Variants in UGGT2 observed in about 807,000 individuals in gnomAD.
The protein encoded by UGGT2 is UDP-glucose glycoprotein glucosyltransferase 2, also known as UDP-glucose:glycoprotein glucosyltransferase 2.
Under a neutral mutation model 192.1 loss-of-function variants are expected in UGGT2, and 180 were observed. The observed-to-expected ratio is 0.94, with a 90% CI of 0.83 to 1.06. The LOEUF (loss-of-function observed/expected upper bound fraction) is 1.06, where lower values mean the gene tolerates loss of function less well. Among genes scored for constraint, UGGT2 ranks in the 50% least tolerant of loss-of-function variants. UGGT2 has a pLI of 0.00. For synonymous variants in UGGT2, 580 were observed against 591.0 expected, an observed-to-expected ratio of 0.98 and a Z score of 0.27; for missense variants, 1,849 against 1,795.7, an observed-to-expected ratio of 1.03 and a Z score of -0.54.
At chr13:96,041,420 G>C (rs1463265468) in intron 1 of UGGT2, among the ~76,000 whole-genome samples, 1 of 152,174 alleles carries the variant, frequency 6.6e-6, no homozygotes, top group South Asian at 2.1e-4. Flanking sequence ...CAGAGGTACT[G>C]GGAAGAGGCC....
intron 38 of UGGT2, among the ~76,000 whole-genome samples, chr13:95,826,555 T>C (rs1886063632): frequency 6.6e-6 from 1 of 152,044 alleles, no homozygotes; most frequent in Admixed American, 6.6e-5. Flanking sequence ...TAGAAAGTAG[T>C]CTTTATGTAC....
chr13:96,051,702 T>C (rs528532645), intron 1 of UGGT2, among the ~76,000 whole-genome samples: 2 of 149,778 alleles, frequency 1.3e-5, no homozygotes, highest in African/African-American at 4.9e-5. Context: ...TCTCAAAAGA[T>C]ATATAAATGG....
intron 20 of UGGT2, among the ~76,000 whole-genome samples, chr13:95,918,566 CAA>C (rs891560910): frequency 5.3e-5 from 8 of 151,342 alleles, no homozygotes; most frequent in Non-Finnish European, 1.2e-4. Flanking sequence ...AAAAACTCTT[CAA>C]AAAAAATCAA....
intron 27 of UGGT2, among the ~76,000 whole-genome samples, chr13:95,880,895 C>T (rs545699353): frequency 1.6e-4 from 25 of 152,260 alleles, no homozygotes; most frequent in African/African-American, 5.3e-4. Context: ...CAAAACATGG[C>T]CGAGTGCAGT....
chr13:95,906,062 G>GT (rs1178429635), intron 20 of UGGT2, among the ~76,000 whole-genome samples: 1 of 152,042 alleles, frequency 6.6e-6, no homozygotes, highest in African/African-American at 2.4e-5. Flanking sequence ...CAATTACGTA[G>GT]TTTTATCAAA....
In UGGT2 at chr13:95,894,624, A is replaced by G. The variant is rs2047894798; in HGVS notation, c.2793T>C (p.Leu931=). The change falls in exon 24 of 39, where the codon CTT becomes CTC. Residue 931 remains leucine (L), a synonymous_variant. Coordinates refer to ENST00000376747, the MANE Select transcript of UGGT2 (RefSeq NM_020121.4). ...ATGCACGCTTAGGCACAGAGGACAT[A>G]AGGGCATCAACTTTCATAATAAAGT... is the stretch of plus-strand genomic sequence containing the variant. ...MSDFIMKVDA[L]MSSVPKRASR... 6.2e-7 allele frequency: 1 copy of G among 1,612,092 alleles called. No homozygotes were observed. Among genetic ancestry groups the G allele is most frequent in the Non-Finnish European group, 8.5e-7 (1 of 1,178,958 alleles).
intron 12 of UGGT2, among the ~76,000 whole-genome samples, chr13:95,955,615 G>A (rs72636570): frequency 0.11 from 16,451 of 151,714 alleles, 1,007 homozygotes; most frequent in Middle Eastern, 0.18. Context: ...CACAAGACAC[G>A]GCCAGGAGAA....
chr13:95,837,356 G>C (rs905504004), intron 36 of UGGT2, among the ~76,000 whole-genome samples, 154 bp from the exon 37 acceptor site: 1 of 152,122 alleles, frequency 6.6e-6, no homozygotes, highest in African/African-American at 2.4e-5. Flanking sequence ...AAATACCTAA[G>C]GTGATCCAAT....
intron 20 of UGGT2, among the ~76,000 whole-genome samples, chr13:95,904,059 C>G (rs2048194348): frequency 6.6e-6 from 1 of 152,030 alleles, no homozygotes; most frequent in Non-Finnish European, 1.5e-5. Context: ...TGGCCCCTGA[C>G]TTGGAGGAGT....
chr13:96,051,264 T>C (rs529685361), intron 1 of UGGT2, among the ~76,000 whole-genome samples: 34 of 152,236 alleles, frequency 2.2e-4, no homozygotes, highest in Non-Finnish European at 4.1e-4. Flanking sequence ...TTCTCACTCA[T>C]AGGTGGGAAC....
intron 32 of UGGT2, 124 bp from the exon 33 acceptor site, chr13:95,859,799 G>T (rs941073122): frequency 3.1e-6 from 2 of 655,686 alleles, no homozygotes; most frequent in African/African-American, 3.7e-5. Context: ...TAAGTTCTGG[G>T]ATACATGTGC....
intron 15 of UGGT2, among the ~76,000 whole-genome samples, chr13:95,943,685 CA>C (rs2049768084): frequency 6.6e-6 from 1 of 152,038 alleles, no homozygotes; most frequent in African/African-American, 2.4e-5. Context: ...TCAAATCTCA[CA>C]ATCAATGGAT....
In UGGT2 at chr13:95,950,541, A is replaced by G. The variant is rs1182877911; in HGVS notation, c.1336-1087T>C. Among the ~76,000 whole-genome samples, 7 of 143,272 alleles carry G rather than the reference A, an allele frequency of 4.9e-5. No homozygotes were observed. The South Asian group carries it at 1.5e-3, about 30-fold the overall frequency. The allele number at this position is 143,272 out of a possible 152,430, so 94.0% of individuals were successfully genotyped here. A position where few individuals can be genotyped will look rare whatever the true frequency, so the allele number is the denominator to read the frequency against. On this transcript the variant is annotated intron_variant, in intron 12 of 38. Coordinates refer to ENST00000376747, the MANE Select transcript of UGGT2 (RefSeq NM_020121.4). ...TTTTCATCAATTTCTGGCTCTCACA[A>G]AAAAAAAAAAAAGTCATGCAAAGAG...
chr13:95,940,627 G>A (rs550863484), intron 15 of UGGT2, among the ~76,000 whole-genome samples: 2 of 149,742 alleles, frequency 1.3e-5, no homozygotes, highest in South Asian at 4.2e-4. Context: ...AGATTTTTTG[G>A]TATTTTTTGT....
chr13:95,954,663 C>T (rs117841497), intron 12 of UGGT2, among the ~76,000 whole-genome samples: 1 of 152,174 alleles, frequency 6.6e-6, no homozygotes, highest in Non-Finnish European at 1.5e-5. Context: ...CTGGAAGGCA[C>T]CTGCTTCCAG....
chr13:95,938,445 A>G (rs775716215), intron 16 of UGGT2, among the ~76,000 whole-genome samples: 8 of 152,192 alleles, frequency 5.3e-5, no homozygotes, highest in Non-Finnish European at 8.8e-5. Flanking sequence ...TATTACATCA[A>G]TTTTACAGAT....
intron 27 of UGGT2, among the ~76,000 whole-genome samples, chr13:95,878,568 T>C (rs1392772189): frequency 6.6e-6 from 1 of 152,206 alleles, no homozygotes; most frequent in Non-Finnish European, 1.5e-5. Flanking sequence ...TTATAATAAA[T>C]ATTTTCAAGA....
chr13:95,996,106 T>C lies in UGGT2; in HGVS notation c.787A>G (p.Thr263Ala), dbSNP rs1295537090. 2 of 1,613,748 alleles carry C rather than the reference T, an allele frequency of 1.2e-6. No homozygotes were observed. Among genetic ancestry groups the C allele is most frequent in the Middle Eastern group, 1.7e-4 (1 of 6,058 alleles). Residue 263 changes from threonine to alanine, a missense_variant, in exon 7 of 39, where the codon ACT (threonine) becomes GCT (alanine). Thr to Ala is a moderately conservative substitution (Grantham distance 58). Coordinates refer to ENST00000376747, the MANE Select transcript of UGGT2 (RefSeq NM_020121.4). ...TVTNTTVEDE[T>A]ETNEVQGFLF... ...AATCCTTGAACTTCATTTGTTTCAG[T>C]CTCATCCTCTACAGTAGTATTAGTC...
intron 3 of UGGT2, 132 bp downstream of exon 3, chr13:96,023,497 A>C (rs1467738626): frequency 5.2e-5 from 43 of 826,794 alleles, no homozygotes; most frequent in Non-Finnish European, 7.3e-5. Context: ...ATAATAATAT[A>C]ATCAATGATA....
Sources: gnomAD v4.1 joint callset for allele counts (sites outside exome capture counted in the v4.1 genomes callset) on GRCh38, gnomAD v4.1.1 for gene constraint, MANE v1.5 for transcripts, NCBI Gene and HGNC (gene_info 2026-07-23, HGNC 2026-07-21) for gene names.